The following ZSCAN29 variants were observed in gnomAD, a reference collection of about 807,000 sequenced individuals.
ZSCAN29 encodes the protein zinc finger and SCAN domain containing 29.
A neutral mutation model predicts 71.9 loss-of-function variants in ZSCAN29; 55 were observed. That is an observed-to-expected ratio of 0.76 (90% CI 0.62 to 0.96). The LOEUF (loss-of-function observed/expected upper bound fraction) is 0.96. Ranked by LOEUF, ZSCAN29 falls within the 40% of genes least tolerant of loss-of-function variation. ZSCAN29 has a pLI of 0.00. For missense variants in ZSCAN29, 1,042 were observed against 1,042.2 expected (o/e 1.00, Z 0.00); for synonymous variants, 351 against 371.6 (o/e 0.94, Z 0.64).
chr15:43,364,821 G>C (rs2044019374), intron 4 of ZSCAN29, among the ~76,000 whole-genome samples: 1 of 150,728 alleles, frequency 6.6e-6, no homozygotes. Flanking sequence ...CTTGAACTGG[G>C]GAGGTGGAGG....
chr15:43,360,315 G>C lies in ZSCAN29; in HGVS notation c.*758C>G, dbSNP rs908133540. 2.0e-5 allele frequency: 3 copies of C among 149,968 alleles called. No homozygotes were observed. Among genetic ancestry groups the C allele is most frequent in the African/African-American group, 7.4e-5 (3 of 40,366 alleles). 9.3% of individuals were successfully genotyped at this position (149,968 alleles called of 1,614,324 possible). A position where few individuals can be genotyped will look rare whatever the true frequency, so the allele number is the denominator to read the frequency against. On this transcript the variant is annotated 3_prime_UTR_variant, in exon 6 of 6. Coordinates refer to ENST00000684362, the MANE Select transcript of ZSCAN29 (RefSeq NM_001372080.1). ...GCTGAGATCATGCCACTGCACTCCA[G>C]CCTGGACGACAGAGTGAGACTCCAT...
Position 43,364,176 on chromosome 15 carries a change from T to G in ZSCAN29, c.1429A>C (p.Asn477His). Reference sequence around the variant, plus strand: ...GGACAGGTCTCTGGTGCCTGGCCATTCTTAACTTTCCGATAGCTGGTTTGC... The same window carrying G: ...GGACAGGTCTCTGGTGCCTGGCCATGCTTAACTTTCCGATAGCTGGTTTGC... ...SLQTSYRKVK[N>H]GQAPETCPFF... Residue 477 changes from asparagine (N) to histidine (H), a missense_variant, in exon 5 of 6, where the codon AAT becomes CAT. Coordinates refer to ENST00000684362, the MANE Select transcript of ZSCAN29 (RefSeq NM_001372080.1). 6.2e-7 allele frequency: 1 copy of G among 1,614,226 alleles called. No homozygotes were observed.
rs2043973902 is a variant in ZSCAN29 at position 43,361,139 on chromosome 15, A to G, written c.2493T>C (p.Ser831=). 5.6e-6 allele frequency: 9 copies of G among 1,613,684 alleles called. No homozygotes were observed. Among genetic ancestry groups the G allele is most frequent in the Non-Finnish European group, 7.6e-6 (9 of 1,179,662 alleles). Residue 831 remains serine (S), a synonymous_variant, in exon 6 of 6, where the codon TCT becomes TCC. Transcript: ENST00000684362. ...GGATTTCTCCGTGCTTATTAAGGGC[A>G]GAGCTTTTACTGAAGCACTTACCAC... The part of the protein sequence containing the change: ...HDCGKCFSKS[S]ALNKHGEIHA...
Position 43,366,200 on chromosome 15 carries a change from C to T in ZSCAN29, c.1132G>A (p.Ala378Thr). The T allele has an allele frequency of 6.2e-7, 1 of 1,613,856 alleles. No homozygotes were observed. Residue 378 changes from alanine (A) to threonine (T), a missense_variant, in exon 4 of 6, where the codon GCT (alanine) becomes ACT (threonine). By Grantham distance (58) the Ala-to-Thr change is moderately conservative. Transcript: ENST00000684362. Reference sequence around the variant, plus strand: ...ATGTCATCACTGTCAGACTCCTGAGCCACAGCCTCTTCTGCTCCCTCCTCA... The same window carrying T: ...ATGTCATCACTGTCAGACTCCTGAGTCACAGCCTCTTCTGCTCCCTCCTCA... ...QHEEGAEEAV[A>T]QESDSDDMDL... is the part of the protein sequence containing the mutation.
rs1416084737 is a variant in ZSCAN29 at position 43,359,728 on chromosome 15, A to G, written c.*1345T>C. ...CTGCGTTGCTCTGTGGAACTTCTGG[A>G]CCACAAGAGACAGACGAAATTCAGA... is the stretch of plus-strand genomic sequence containing the variant. On this transcript the variant is annotated 3_prime_UTR_variant, in exon 6 of 6. Coordinates refer to ENST00000684362, the MANE Select transcript of ZSCAN29 (RefSeq NM_001372080.1). 1 of 152,246 alleles carries G rather than the reference A, an allele frequency of 6.6e-6. No individual in the cohort carries two copies. Among genetic ancestry groups the G allele is most frequent in the Non-Finnish European group, 1.5e-5 (1 of 68,058 alleles). The allele number at this position is 152,246 out of a possible 1,614,324, so 9.4% of individuals were successfully genotyped here. A position where few individuals can be genotyped will look rare whatever the true frequency, so the allele number is the denominator to read the frequency against.
At position 43,361,682 on chromosome 15, in the gene ZSCAN29, G is replaced by GGGTCTCTCTCCCAAGCAA; in HGVS notation, c.1932_1949dup (p.Cys645_Pro650dup). 6.2e-7 allele frequency: 1 copy of GGGTCTCTCTCCCAAGCAA among 1,614,182 alleles called. No homozygotes were observed. Among genetic ancestry groups the GGGTCTCTCTCCCAAGCAA allele is most frequent in the Non-Finnish European group, 8.5e-7 (1 of 1,180,040 alleles). ...TTTTGCTGTATTTGAGATATTTATA[G>GGGTCTCTCTCCCAAGCAA]GGTCTCTCTCCCAAGCAAGGTCTCT... On this transcript the variant is annotated inframe_insertion, in exon 6 of 6. Transcript: ENST00000684362.
Position 43,369,942 on chromosome 15 carries a change from T to G in ZSCAN29, c.-29A>C, listed in dbSNP as rs1455074054. 1 of 1,561,330 alleles carries G rather than the reference T, an allele frequency of 6.4e-7. No individual in the cohort carries two copies. Among genetic ancestry groups the G allele is most frequent in the Non-Finnish European group, 8.6e-7 (1 of 1,157,816 alleles). Reference sequence around the variant, plus strand: ...TAGCAGAATGCAGCTTCCCTTCGCTTAGGAGTCTGGGTTCCAGGGCTTACA... The same window carrying G: ...TAGCAGAATGCAGCTTCCCTTCGCTGAGGAGTCTGGGTTCCAGGGCTTACA... On this transcript the variant is annotated 5_prime_UTR_variant, in exon 2 of 6. Transcript: ENST00000684362.
Position 43,364,176 on chromosome 15 carries a change from TCTTAA to T in ZSCAN29, c.1424_1428del (p.Val475GlufsTer12). 6.2e-7 allele frequency: 1 copy of T among 1,614,226 alleles called. No homozygotes were observed. The highest frequency in any genetic ancestry group is 8.5e-7 in the Non-Finnish European group (1 of 1,180,040). ...GGACAGGTCTCTGGTGCCTGGCCAT[TCTTAA>T]CTTTCCGATAGCTGGTTTGCAGGCT... On this transcript the variant is annotated frameshift_variant, in exon 5 of 6. Coordinates refer to ENST00000684362, the MANE Select transcript of ZSCAN29 (RefSeq NM_001372080.1). LOFTEE classifies it high-confidence loss of function.
At position 43,361,932 on chromosome 15, in the gene ZSCAN29, G is replaced by T; in HGVS notation, c.1700C>A (p.Ala567Asp). The T allele has an allele frequency of 6.2e-7, 1 of 1,607,396 alleles. No individual in the cohort carries two copies. Among genetic ancestry groups the T allele is most frequent in the South Asian group, 1.1e-5 (1 of 90,376 alleles). Residue 567 changes from alanine to aspartate, a missense_variant, in exon 6 of 6, where the codon GCT (alanine) becomes GAT (aspartate). By Grantham distance (126) the Ala-to-Asp change is moderately radical. Coordinates refer to ENST00000684362, the MANE Select transcript of ZSCAN29 (RefSeq NM_001372080.1). ...VLFQSPRGFE[A>D]GFENEDNSKR... Reference sequence around the variant, plus strand: ...TGAATTATCTTCATTCTCAAATCCAGCTTCAAAACCTGATGTAAAACAGAA... The same window carrying T: ...TGAATTATCTTCATTCTCAAATCCATCTTCAAAACCTGATGTAAAACAGAA...
intron 3 of ZSCAN29, among the ~76,000 whole-genome samples, chr15:43,367,150 G>A (rs2044048093): frequency 6.6e-6 from 1 of 152,200 alleles, no homozygotes; most frequent in Non-Finnish European, 1.5e-5. Flanking sequence ...AACTCGGCGT[G>A]ATTTCAAGGG....
At chr15:43,368,065 G>T (rs1019068524) in intron 3 of ZSCAN29, among the ~76,000 whole-genome samples, 3 of 152,172 alleles carry the variant, frequency 2.0e-5, no homozygotes, top group African/African-American at 7.2e-5. Flanking sequence ...AATATAACAG[G>T]TTGGGCTATA....
chr15:43,364,131 C>T lies in ZSCAN29; in HGVS notation c.1474G>A (p.Ala492Thr), dbSNP rs758167367. 5 of 1,614,222 alleles carry T rather than the reference C, an allele frequency of 3.1e-6. No homozygotes were observed. In the Admixed American group the frequency reaches 8.3e-5, roughly 27 times the overall value. ...ETCPFFEEMD[A>T]LVSVRVAAPP... is the part of the protein sequence containing the mutation. The stretch of plus-strand genomic sequence containing the variant: ...GCAGCAACCCGGACACTCACCAAAG[C>T]ATCCATCTCTTCAAAGAAGGGACAG... The change falls in exon 5 of 6, where the codon GCT becomes ACT. Residue 492 changes from alanine to threonine, a missense_variant. Ala to Thr is a moderately conservative substitution (Grantham distance 58, BLOSUM62 0). Coordinates refer to ENST00000684362, the MANE Select transcript of ZSCAN29 (RefSeq NM_001372080.1).
At position 43,359,221 on chromosome 15, in the gene ZSCAN29, T is replaced by C. The variant is rs2043959078; in HGVS notation, c.*1852A>G. 6.6e-6 allele frequency: 1 copy of C among 152,240 alleles called. No homozygotes were observed. The highest frequency in any genetic ancestry group is 2.4e-5 in the African/African-American group (1 of 41,472). 9.4% of individuals were successfully genotyped at this position (152,240 alleles called of 1,614,324 possible). On this transcript the variant is annotated 3_prime_UTR_variant, in exon 6 of 6. Coordinates refer to ENST00000684362, the MANE Select transcript of ZSCAN29 (RefSeq NM_001372080.1). The stretch of plus-strand genomic sequence containing the variant: ...CAAACTAATGCATTGGACCACAACA[T>C]TTATGCATAGTGTTGCTACCTAGCT...
rs1384104317 is a variant in ZSCAN29, at chr15:43,369,939, G to A, written c.-26C>T. ...TAATAGCAGAATGCAGCTTCCCTTC[G>A]CTTAGGAGTCTGGGTTCCAGGGCTT... On this transcript the variant is annotated 5_prime_UTR_variant, in exon 2 of 6. The change creates a premature stop within an existing upstream ORF in the 5' untranslated region. Coordinates refer to ENST00000684362, the MANE Select transcript of ZSCAN29 (RefSeq NM_001372080.1). 5.1e-6 allele frequency: 8 copies of A among 1,563,070 alleles called. No individual in the cohort carries two copies. Among genetic ancestry groups the A allele is most frequent in the African/African-American group, 2.7e-5 (2 of 73,900 alleles).
chr15:43,361,085 T>TA lies in ZSCAN29; in HGVS notation c.2546_2547insT (p.Ala850SerfsTer7). ...TATCCTCAGGGGCTTACTTGGGAGCTGACTGTGTCAGAAGCTTTTCCCGTG... is the reference window on the plus strand; with the variant it reads ...TATCCTCAGGGGCTTACTTGGGAGCTAGACTGTGTCAGAAGCTTTTCCCGTG... On this transcript the variant is annotated frameshift_variant, in exon 6 of 6. Coordinates refer to ENST00000684362, the MANE Select transcript of ZSCAN29 (RefSeq NM_001372080.1). LOFTEE classifies it high-confidence loss of function. 1 of 1,597,352 alleles carries TA rather than the reference T, an allele frequency of 6.3e-7. No homozygotes were observed. Among genetic ancestry groups the TA allele is most frequent in the Non-Finnish European group, 8.6e-7 (1 of 1,168,746 alleles).
At chr15:43,363,294 T>C (rs2044001448) in intron 5 of ZSCAN29, among the ~76,000 whole-genome samples, 1 of 152,220 alleles carries the variant, frequency 6.6e-6, no homozygotes, top group Non-Finnish European at 1.5e-5. Flanking sequence ...TAACCTTCTC[T>C]AAGTCACTTA....
rs763351789 is a variant in ZSCAN29 at position 43,361,685 on chromosome 15, T to G, written c.1947A>C (p.Arg649Ser). The part of the protein sequence containing the change: ...LSQQRPCLGE[R>S]PYKYLKYSKS... ...TGCTGTATTTGAGATATTTATAGGG[T>G]CTCTCTCCCAAGCAAGGTCTCTGTT... Residue 649 changes from arginine to serine, a missense_variant, in exon 6 of 6, where the codon AGA becomes AGC. Arg to Ser is a moderately radical substitution (Grantham distance 110). Coordinates refer to ENST00000684362, the MANE Select transcript of ZSCAN29 (RefSeq NM_001372080.1). 1.2e-6 allele frequency: 2 copies of G among 1,614,114 alleles called. No homozygotes were observed. The highest frequency in any genetic ancestry group is 1.7e-6 in the Non-Finnish European group (2 of 1,180,016).
At chr15:43,368,458 G>A (rs1595469000) in intron 3 of ZSCAN29, among the ~76,000 whole-genome samples, 1 of 54,084 alleles carries the variant, frequency 1.8e-5, no homozygotes, top group Non-Finnish European at 2.9e-5. Context: ...CCCGGGAGGC[G>A]GAGCTTGCAG....
rs755610316 is a variant in ZSCAN29, at chr15:43,361,486, G to A, written c.2146C>T (p.Arg716Cys). The A allele has an allele frequency of 1.3e-5, 21 of 1,613,146 alleles. No homozygotes were observed. The highest frequency in any genetic ancestry group is 3.3e-5 in the Admixed American group (2 of 59,942). Residue 716 changes from arginine (R) to cysteine (C), a missense_variant, in exon 6 of 6, where the codon CGT (arginine) becomes TGT (cysteine). By Grantham distance (180) the Arg-to-Cys change is radical. Transcript: ENST00000684362. ...TGGGTGATGAAATTTGAACTGTCAC[G>A]GAAACTTTTTCCACAGTCAAGACAT... ...YKCLDCGKSF[R>C]DSSNFITHRR...
Sources: allele counts gnomAD v4.1 joint callset (sites outside exome capture counted in the v4.1 genomes callset), GRCh38; gene constraint gnomAD v4.1.1; transcripts MANE v1.5; gene names NCBI Gene and HGNC (gene_info 2026-07-23, HGNC 2026-07-21).